Variants in ATXN1 observed in about 807,000 individuals in gnomAD.
The protein encoded by ATXN1 is ataxin-1.
A neutral mutation model predicts 56.4 loss-of-function variants in ATXN1; 8 were observed. The observed-to-expected ratio is 0.14, with a 90% CI of 0.08 to 0.26. The LOEUF is 0.26. ATXN1 is among the 10% of genes least tolerant of loss of function. The probability of loss-of-function intolerance (pLI) is 1.00; values close to 1 mark genes in which losing one functional copy is unlikely to be tolerated. For missense variants in ATXN1, 987 were observed against 1,106.5 expected, an observed-to-expected ratio of 0.89 and a Z score of 1.53; for synonymous variants, 514 against 494.6, an observed-to-expected ratio of 1.04 and a Z score of -0.52.
At chr6:16,685,636 T>C (rs913019105) in intron 2 of ATXN1, among the ~76,000 whole-genome samples, 10 of 152,204 alleles carry the variant, frequency 6.6e-5, no homozygotes, top group African/African-American at 2.4e-4. Flanking sequence ...TTATGCTTCA[T>C]TCAATTGAGC....
chr6:16,719,872 C>T (rs1021528050), intron 2 of ATXN1, among the ~76,000 whole-genome samples: 3 of 152,186 alleles, frequency 2.0e-5, no homozygotes, highest in African/African-American at 7.2e-5. Flanking sequence ...GAAAGGTTCT[C>T]CCAACAGAGC....
intron 6 of ATXN1, among the ~76,000 whole-genome samples, chr6:16,449,915 G>A (rs1759720743): frequency 6.6e-6 from 1 of 152,228 alleles, no homozygotes; most frequent in African/African-American, 2.4e-5. Context: ...GATTGCAGCT[G>A]TCATCTCTAA....
chr6:16,748,002 G>C (rs1760590506), intron 2 of ATXN1, among the ~76,000 whole-genome samples: 1 of 152,184 alleles, frequency 6.6e-6, no homozygotes, highest in Admixed American at 6.5e-5. Flanking sequence ...TGCAAGCTGA[G>C]CAATGACCCA....
chr6:16,352,510 C>T (rs746478123), intron 6 of ATXN1, among the ~76,000 whole-genome samples: 3 of 152,160 alleles, frequency 2.0e-5, no homozygotes, highest in Non-Finnish European at 4.4e-5. Flanking sequence ...GACAGAGCAT[C>T]ACACGAGGCT....
chr6:16,758,993 C>T (rs1225579235), intron 1 of ATXN1, among the ~76,000 whole-genome samples: 1 of 152,164 alleles, frequency 6.6e-6, no homozygotes, highest in Non-Finnish European at 1.5e-5. Flanking sequence ...CCAAAAAAAG[C>T]TCAAGTATCA....
intron 7 of ATXN1, among the ~76,000 whole-genome samples, chr6:16,310,123 A>G (rs1240814565): frequency 2.0e-5 from 3 of 152,124 alleles, no homozygotes; most frequent in Non-Finnish European, 2.9e-5. Context: ...ATAAGCAACA[A>G]TGGAACTCAC....
At chr6:16,717,870 C>G (rs1335839133) in intron 2 of ATXN1, among the ~76,000 whole-genome samples, 1 of 152,208 alleles carries the variant, frequency 6.6e-6, no homozygotes, top group African/African-American at 2.4e-5. Flanking sequence ...CACGCCACTT[C>G]TGGCTCTACT....
In ATXN1 at chr6:16,306,559, C is replaced by A; in HGVS notation, c.2218G>T (p.Glu740Ter). The change falls in exon 8 of 8, where the codon GAG becomes TAG. Residue 740 changes from glutamate to a stop codon, truncating the protein, a stop_gained. Transcript: ENST00000436367. LOFTEE classifies it high-confidence loss of function. The surrounding 1 kb of genome is among the most constrained non-coding windows in gnomAD (Gnocchi z 5.2). ...TCTGGAAACTTCAGTTCGCCATTCTCAGAGAGCATCTGGGCACTCCCCTGG... is the reference window on the plus strand; with the variant it reads ...TCTGGAAACTTCAGTTCGCCATTCTAAGAGAGCATCTGGGCACTCCCCTGG... ...INQGSAQMLSENGELKFPEKM... is the reference protein window; with the variant it reads ...INQGSAQMLS 1 of 1,614,218 alleles carries A rather than the reference C, an allele frequency of 6.2e-7. No individual in the cohort carries two copies. The highest frequency in any genetic ancestry group is 8.5e-7 in the Non-Finnish European group (1 of 1,180,042).
chr6:16,501,643 G>A (rs1386632599), intron 5 of ATXN1, among the ~76,000 whole-genome samples: 1 of 152,076 alleles, frequency 6.6e-6, no homozygotes, highest in Non-Finnish European at 1.5e-5. Context: ...CCCTGTAAAG[G>A]ACATGAGCTC....
At chr6:16,390,510 T>C (rs1425480404) in intron 6 of ATXN1, among the ~76,000 whole-genome samples, 1 of 152,190 alleles carries the variant, frequency 6.6e-6, no homozygotes, top group Non-Finnish European at 1.5e-5. Flanking sequence ...CTTGGGTTGT[T>C]AGACTCCTTG....
intron 6 of ATXN1, among the ~76,000 whole-genome samples, chr6:16,433,738 T>A (rs2113585569): frequency 6.6e-6 from 1 of 152,090 alleles, no homozygotes; most frequent in South Asian, 2.1e-4. Flanking sequence ...AGAACAAAAG[T>A]AAGAAAAGTG....
chr6:16,445,221 T>C (rs1759607641), intron 6 of ATXN1, among the ~76,000 whole-genome samples: 4 of 152,216 alleles, frequency 2.6e-5, no homozygotes, highest in South Asian at 2.1e-4. Context: ...TATTGAGAAA[T>C]GACTGTTAAT....
At chr6:16,359,981 G>A (rs1761773985) in intron 6 of ATXN1, among the ~76,000 whole-genome samples, 1 of 152,090 alleles carries the variant, frequency 6.6e-6, no homozygotes, top group African/African-American at 2.4e-5. Context: ...GTGCTCGGGT[G>A]ATGGCTGCAC....
At chr6:16,679,271 A>AGTGG (rs1341073452) in intron 2 of ATXN1, among the ~76,000 whole-genome samples, 4 of 98,274 alleles carry the variant, frequency 4.1e-5, no homozygotes, top group Non-Finnish European at 7.9e-5. Context: ...TGGATGAGTT[A>AGTGG]GTGGGTGGAT....
At chr6:16,329,625 T>C (rs1760933760) in intron 6 of ATXN1, among the ~76,000 whole-genome samples, 1 of 152,162 alleles carries the variant, frequency 6.6e-6, no homozygotes, top group African/African-American at 2.4e-5. Flanking sequence ...GGTTTGTCCA[T>C]CTCTCTCTTC....
chr6:16,663,113 CA>C (rs1392822419), intron 2 of ATXN1, among the ~76,000 whole-genome samples: 1 of 151,800 alleles, frequency 6.6e-6, no homozygotes, highest in Non-Finnish European at 1.5e-5. Context: ...GCTGGGATTA[CA>C]GGCGTCCACC....
At chr6:16,503,737 G>C (rs1438136430) in intron 5 of ATXN1, among the ~76,000 whole-genome samples, 1 of 152,172 alleles carries the variant, frequency 6.6e-6, no homozygotes, top group Non-Finnish European at 1.5e-5. Context: ...GGATGGGTGA[G>C]TGGATGACAT....
intron 6 of ATXN1, among the ~76,000 whole-genome samples, chr6:16,386,290 C>T (rs1481231343): frequency 2.0e-5 from 3 of 152,294 alleles, no homozygotes; most frequent in East Asian, 1.9e-4. Flanking sequence ...ATCTACATCG[C>T]GTTCTCTGCA....
intron 3 of ATXN1, among the ~76,000 whole-genome samples, chr6:16,620,271 A>G (rs966376057): frequency 1.3e-5 from 2 of 150,682 alleles, no homozygotes; most frequent in Non-Finnish European, 3.0e-5. Flanking sequence ...AAACACACAC[A>G]CACACACACA....
Sources: gnomAD v4.1 joint callset for allele counts (sites outside exome capture counted in the v4.1 genomes callset) on GRCh38, gnomAD v4.1.1 for gene constraint, Gnocchi (gnomAD v3.1) non-coding constraint, MANE v1.5 for transcripts, NCBI Gene and HGNC (gene_info 2026-07-23, HGNC 2026-07-21) for gene names.